Variants in DOCK5 observed in about 807,000 individuals in gnomAD.
DOCK5 encodes the protein dedicator of cytokinesis 5.
A neutral mutation model predicts 251.8 loss-of-function variants in DOCK5; 142 were observed. The observed-to-expected ratio is 0.56, with a 90% confidence interval of 0.49 to 0.65. The LOEUF (loss-of-function observed/expected upper bound fraction) is 0.65, where lower values mean the gene tolerates loss of function less well. DOCK5 is among the 30% of genes least tolerant of loss of function. The pLI, the probability that DOCK5 is intolerant of heterozygous loss-of-function variation, is 0.00. For missense variants in DOCK5, 2,111 were observed against 2,312.3 expected (o/e 0.91, Z 1.79); for synonymous variants, 842 against 835.5 (o/e 1.01, Z -0.13).
At chr8:25,290,117 C>T (rs1167752320) in intron 5 of DOCK5, among the ~76,000 whole-genome samples, 1 of 152,000 alleles carries the variant, frequency 6.6e-6, no homozygotes, top group East Asian at 1.9e-4. Context: ...GTCTTACCTT[C>T]TCTGGAATGT....
At chr8:25,303,513 G>A (rs141540775) in intron 10 of DOCK5, among the ~76,000 whole-genome samples, 6 of 152,280 alleles carry the variant, frequency 3.9e-5, no homozygotes, top group East Asian at 1.9e-4. Context: ...ATCTTCCTCT[G>A]TAGTTTGTTC....
rs551515931 is a variant in DOCK5, at chr8:25,363,264, C to A, written c.3044+123C>A. 8.0e-5 allele frequency: 63 copies of A among 787,454 alleles called. No homozygotes were observed. The South Asian group carries it at 9.4e-4, about 12-fold the overall frequency. 48.8% of individuals were successfully genotyped at this position (787,454 alleles called of 1,614,324 possible). On this transcript the variant is annotated intron_variant, in intron 29 of 51. Transcript: ENST00000276440. ...CCATCATCTGTAAAGTGAGGATCTTCCTGCTCCAGAGGTCCTAATTTATGT... is the reference window on the plus strand; with the variant it reads ...CCATCATCTGTAAAGTGAGGATCTTACTGCTCCAGAGGTCCTAATTTATGT...
At position 25,300,565 on chromosome 8, in the gene DOCK5, TC is replaced by T. The variant is rs1804736400; in HGVS notation, c.765-9del. 6.3e-7 allele frequency: 1 copy of T among 1,597,784 alleles called. No individual in the cohort carries two copies. Among genetic ancestry groups the T allele is most frequent in the East Asian group, 2.2e-5 (1 of 44,448 alleles). ...CCTCTCATTAAGAGCAATTTTTTTT[TC>T]CTTTGCCAGTGAGAACTATCTAATT... On this transcript the variant is annotated splice_polypyrimidine_tract_variant and intron_variant, in intron 8 of 51. Coordinates refer to ENST00000276440, the MANE Select transcript of DOCK5 (RefSeq NM_024940.8).
intron 7 of DOCK5, 32 bp from the exon 8 acceptor site, chr8:25,298,912 A>G: frequency 3.2e-6 from 5 of 1,556,766 alleles, no homozygotes; most frequent in Non-Finnish European, 4.3e-6. Flanking sequence ...TGCCAAAATC[A>G]AGATGTTTTT....
At chr8:25,308,643 TAAAGG>T in intron 11 of DOCK5, 135 bp from the exon 12 acceptor site, 2 of 940,244 alleles carry the variant, frequency 2.1e-6, no homozygotes, top group Non-Finnish European at 3.0e-6. Context: ...AATGGAAAAA[TAAAGG>T]AAAGATAGAA....
At position 25,317,122 on chromosome 8, in the gene DOCK5, G is replaced by A; in HGVS notation, c.1434G>A (p.Lys478=). The A allele has an allele frequency of 6.2e-7, 1 of 1,613,674 alleles. No homozygotes were observed. The highest frequency in any genetic ancestry group is 8.5e-7 in the Non-Finnish European group (1 of 1,179,660). ...TGTCTGTGCACGATGAGGAGGGCAAGCTCTTGGAGGTGCGCGGCATGGCCC... is the reference window on the plus strand; with the variant it reads ...TGTCTGTGCACGATGAGGAGGGCAAACTCTTGGAGGTGCGCGGCATGGCCC... ...VTMSVHDEEG[K]LLEKAIHPGA... is the part of the protein sequence containing the mutation. The change falls in exon 14 of 52, where the codon AAG becomes AAA. Residue 478 remains lysine, a synonymous_variant. Transcript: ENST00000276440.
chr8:25,220,556 C>G (rs898332840), intron 1 of DOCK5, among the ~76,000 whole-genome samples: 1 of 151,914 alleles, frequency 6.6e-6, no homozygotes, highest in African/African-American at 2.4e-5. Flanking sequence ...TCTGTTACCC[C>G]CAGCTCTCCA....
chr8:25,401,164 T>C (rs1269927872), intron 47 of DOCK5, 98 bp downstream of exon 47: 2 of 1,505,306 alleles, frequency 1.3e-6, no homozygotes, highest in Non-Finnish European at 9.1e-7. Context: ...TTGTAATAAC[T>C]TAGCTATGGC....
chr8:25,339,831 A>G (rs536300259), intron 22 of DOCK5, among the ~76,000 whole-genome samples: 2 of 152,338 alleles, frequency 1.3e-5, no homozygotes, highest in African/African-American at 4.8e-5. Context: ...AAGTAATAAA[A>G]TCTGGCTTAT....
intron 18 of DOCK5, among the ~76,000 whole-genome samples, chr8:25,331,368 A>G (rs776239884): frequency 3.3e-5 from 5 of 152,060 alleles, no homozygotes; most frequent in Non-Finnish European, 7.4e-5. Context: ...TTGGCTTCCT[A>G]AAGTGTTGGG....
chr8:25,302,463 G>C lies in DOCK5; in HGVS notation c.976+9G>C, dbSNP rs1381417238. ...ACCTTTTGGAGTGGCAGGTACAAGAGAGACCCAGAGACAAATGTGAAATAG... is the reference window on the plus strand; with the variant it reads ...ACCTTTTGGAGTGGCAGGTACAAGACAGACCCAGAGACAAATGTGAAATAG... On this transcript the variant is annotated intron_variant, in intron 10 of 51. Coordinates refer to ENST00000276440, the MANE Select transcript of DOCK5 (RefSeq NM_024940.8). 1.3e-6 allele frequency: 2 copies of C among 1,538,458 alleles called. No individual in the cohort carries two copies. The highest frequency in any genetic ancestry group is 2.4e-5 in the East Asian group (1 of 41,122).
chr8:25,394,052 C>T (rs148172179), intron 44 of DOCK5, among the ~76,000 whole-genome samples: 3 of 152,238 alleles, frequency 2.0e-5, no homozygotes, highest in Non-Finnish European at 2.9e-5. Flanking sequence ...CATAGCAAGA[C>T]CCCCACCTCT....
rs750186438 is a variant in DOCK5 at position 25,321,038 on chromosome 8, G to C, written c.1601G>C (p.Arg534Thr). 1 of 1,613,320 alleles carries C rather than the reference G, an allele frequency of 6.2e-7. No individual in the cohort carries two copies. The stretch of plus-strand genomic sequence containing the variant: ...CATATAAGATTTACCTTCCGACACA[G>C]GTCATCTCAGGAAAGTAAGTATTAA... The part of the protein sequence containing the change: ...RCHIRFTFRH[R>T]SSQETRDKSE... The change falls in exon 16 of 52, where the codon AGG (arginine) becomes ACG (threonine). Residue 534 changes from arginine to threonine, a missense_variant. Physicochemically the swap from Arg to Thr is moderately conservative, Grantham distance 71. Around this residue, in one of 3 missense-constraint regions of DOCK5, gnomAD observed 1,717 missense variants for 1,892.4 expected, o/e 0.91. Transcript: ENST00000276440.
rs532827846 is a variant in DOCK5 at position 25,415,658 on chromosome 8, G to A, written c.*4360G>A. On this transcript the variant is annotated 3_prime_UTR_variant, in exon 52 of 52. Coordinates refer to ENST00000276440, the MANE Select transcript of DOCK5 (RefSeq NM_024940.8). Reference sequence around the variant, plus strand: ...ATGTGCATTGAAGTAGGAAAATTTTGTTCAGATTTGCTGTTATTTATTTTT... The same window carrying A: ...ATGTGCATTGAAGTAGGAAAATTTTATTCAGATTTGCTGTTATTTATTTTT... 1.8e-3 allele frequency: 278 copies of A among 152,110 alleles called. No individual in the cohort carries two copies. Among genetic ancestry groups the A allele is most frequent in the African/African-American group, 6.6e-3 (275 of 41,512 alleles). The allele number at this position is 152,110 out of a possible 1,614,324, so 9.4% of individuals were successfully genotyped here. A position where few individuals can be genotyped will look rare whatever the true frequency, so the allele number is the denominator to read the frequency against.
chr8:25,358,913 C>A, intron 27 of DOCK5, 50 bp from the exon 28 acceptor site: 1 of 1,525,798 alleles, frequency 6.6e-7, no homozygotes, highest in South Asian at 1.1e-5. Flanking sequence ...GTGTTTTTGT[C>A]AGTTGGTGGT....
At chr8:25,201,233 C>T (rs1464705146) in intron 1 of DOCK5, among the ~76,000 whole-genome samples, 1 of 152,162 alleles carries the variant, frequency 6.6e-6, no homozygotes, top group Admixed American at 6.5e-5. Flanking sequence ...GGTGAATAAA[C>T]CATTAGCCTC....
At chr8:25,239,500 T>A (rs1324108246) in intron 1 of DOCK5, among the ~76,000 whole-genome samples, 1 of 151,942 alleles carries the variant, frequency 6.6e-6, no homozygotes, top group Non-Finnish European at 1.5e-5. Flanking sequence ...CACAATGCAT[T>A]GTGACTCAGT....
intron 28 of DOCK5, among the ~76,000 whole-genome samples, chr8:25,362,095 T>C (rs568276686): frequency 6.6e-6 from 1 of 152,346 alleles, no homozygotes; most frequent in South Asian, 2.1e-4. Flanking sequence ...AAGTGATTAG[T>C]TATTAGTCAT....
chr8:25,304,326 C>T lies in DOCK5; in HGVS notation c.1048C>T (p.Gln350Ter). 5 of 1,606,642 alleles carry T rather than the reference C, an allele frequency of 3.1e-6. No individual in the cohort carries two copies. The highest frequency in any genetic ancestry group is 4.2e-6 in the Non-Finnish European group (5 of 1,176,558). Residue 350 changes from glutamine to a stop codon, truncating the protein, a stop_gained and splice_region_variant, in exon 11 of 52, where the codon CAA becomes TAA. Coordinates refer to ENST00000276440, the MANE Select transcript of DOCK5 (RefSeq NM_024940.8). LOFTEE classifies it high-confidence loss of function. ...EEKQHFIPFQ[Q>*]IAMETYIRQR... ...AAAGCAGCATTTTATTCCCTTTCAG[C>T]AGTAAGTACTTTGGCATGTGTCCCA...
Sources: gnomAD v4.1 joint callset for allele counts (sites outside exome capture counted in the v4.1 genomes callset) on GRCh38, gnomAD v4.1.1 for gene constraint, gnomAD v4.1.1 regional missense constraint, MANE v1.5 for transcripts, NCBI Gene and HGNC (gene_info 2026-07-23, HGNC 2026-07-21) for gene names.